The following PDE4D variants were observed in gnomAD, a reference collection of about 807,000 sequenced individuals.
PDE4D encodes the protein 3',5'-cyclic-AMP phosphodiesterase 4D.
A neutral mutation model predicts 87.4 loss-of-function variants in PDE4D; 24 were observed. That is an observed-to-expected ratio of 0.27 (90% confidence interval 0.20 to 0.39). PDE4D has a LOEUF of 0.39. Among genes scored for constraint, PDE4D ranks in the 10% least tolerant of loss-of-function variants. The probability of loss-of-function intolerance (pLI) is 1.00; values close to 1 mark genes in which losing one functional copy is unlikely to be tolerated. For missense variants in PDE4D, 714 were observed against 1,041.0 expected (o/e 0.69, Z 4.32); for synonymous variants, 384 against 383.2 (o/e 1.00, Z -0.02).
rs1561615632 is a variant in PDE4D, at chr5:59,762,349, CATATATGTGTATATGGGTACACATGT to C, written c.455+130793_455+130818del. On this transcript the variant is annotated intron_variant, in intron 1 of 14. Coordinates refer to ENST00000340635, the MANE Select transcript of PDE4D (RefSeq NM_001104631.2). ...ATATGCGTATATGGGTACACATATG[CATATATGTGTATATGGGTACACATGT>C]GTATATGTGTATATGGGTACACATG... Among the ~76,000 whole-genome samples, 171 of 100,200 alleles carry C rather than the reference CATATATGTGTATATGGGTACACATGT, an allele frequency of 1.7e-3. 10 individuals are homozygous for C. The highest frequency in any genetic ancestry group is 3.1e-3 in the African/African-American group (72 of 23,088). 65.7% of individuals were successfully genotyped at this position (100,200 alleles called of 152,430 possible). A position where few individuals can be genotyped will look rare whatever the true frequency, so the allele number is the denominator to read the frequency against.
At chr5:59,009,943 C>A (rs992808272) in intron 6 of PDE4D, among the ~76,000 whole-genome samples, 1 of 152,146 alleles carries the variant, frequency 6.6e-6, no homozygotes, top group Non-Finnish European at 1.5e-5. Context: ...AAGAGCTCCA[C>A]CATTATTTCC....
intron 1 of PDE4D, among the ~76,000 whole-genome samples, chr5:59,771,710 G>C (rs146203916): frequency 6.6e-6 from 1 of 152,284 alleles, no homozygotes; most frequent in East Asian, 1.9e-4. Context: ...AGAATGTTCA[G>C]AGAGTCTGGG....
At chr5:59,433,799 C>G (rs1396549981) in intron 1 of PDE4D, among the ~76,000 whole-genome samples, 1 of 152,036 alleles carries the variant, frequency 6.6e-6, no homozygotes, top group Non-Finnish European at 1.5e-5. Context: ...CACATGAAAG[C>G]ATCTGGAACA....
chr5:59,740,938 T>C (rs1290299373), intron 1 of PDE4D, among the ~76,000 whole-genome samples: 1 of 152,200 alleles, frequency 6.6e-6, no homozygotes, highest in Non-Finnish European at 1.5e-5. Context: ...ATGCACCTAG[T>C]GTAAGTCAAA....
At chr5:59,268,827 A>C (rs1763292081) in intron 1 of PDE4D, among the ~76,000 whole-genome samples, 1 of 151,188 alleles carries the variant, frequency 6.6e-6, no homozygotes, top group Non-Finnish European at 1.5e-5. Context: ...AAGCTTAAAA[A>C]CTCCTTAAAG....
chr5:59,208,863 G>A lies in PDE4D; in HGVS notation c.647+6914C>T, dbSNP rs529203033. ...GTAAAAAGGTATTCTAGTAGCAGAT[G>A]ACCTTAGCATATTTTGCCAATAAAC... On this transcript the variant is annotated intron_variant, in intron 2 of 14. Coordinates refer to ENST00000340635, the MANE Select transcript of PDE4D (RefSeq NM_001104631.2). Among the ~76,000 whole-genome samples the A allele has an allele frequency of 4.6e-5, 7 of 152,248 alleles. No individual in the cohort carries two copies. The East Asian group carries it at 1.4e-3, about 29-fold the overall frequency.
intron 1 of PDE4D, chr5:59,217,362 A>G: frequency 2.3e-6 from 1 of 441,400 alleles, no homozygotes; most frequent in Non-Finnish European, 4.5e-6. Context: ...ATTTTAAAAC[A>G]TTCCTTTATT....
At chr5:60,091,211 G>C (rs1364709484) in intron 2 of PDE4D, among the ~76,000 whole-genome samples, 1 of 152,168 alleles carries the variant, frequency 6.6e-6, no homozygotes, top group Non-Finnish European at 1.5e-5. Flanking sequence ...AGAGTGAAGA[G>C]ACAACCTGTT....
At chr5:60,165,062 C>T (rs547420106) in intron 2 of PDE4D, among the ~76,000 whole-genome samples, 2 of 152,274 alleles carry the variant, frequency 1.3e-5, no homozygotes, top group South Asian at 4.1e-4. Context: ...TGTCTAGCCT[C>T]TCTACCATTT....
At chr5:59,182,565 A>G (rs1281543822) in intron 4 of PDE4D, among the ~76,000 whole-genome samples, 1 of 152,096 alleles carries the variant, frequency 6.6e-6, no homozygotes, top group Non-Finnish European at 1.5e-5. Flanking sequence ...GTGAAAATTT[A>G]GAAACCATTG....
At chr5:59,173,371 C>G (rs1339182769) in intron 5 of PDE4D, among the ~76,000 whole-genome samples, 1 of 152,150 alleles carries the variant, frequency 6.6e-6, no homozygotes, top group Non-Finnish European at 1.5e-5. Flanking sequence ...AAAACAAATT[C>G]ATTTGTAAGA....
At chr5:59,083,386 T>G (rs139649581) in intron 5 of PDE4D, among the ~76,000 whole-genome samples, 7 of 152,244 alleles carry the variant, frequency 4.6e-5, no homozygotes, top group African/African-American at 1.4e-4. Context: ...CTTGAATTAC[T>G]CTTCAGGTCA....
chr5:59,053,857 A>C (rs559430071), intron 5 of PDE4D, among the ~76,000 whole-genome samples: 2 of 151,868 alleles, frequency 1.3e-5, no homozygotes, highest in Non-Finnish European at 2.9e-5. Context: ...CAGAGGTTGC[A>C]GTGAGCTCAG....
chr5:59,574,140 A>ATT (rs1433534172), intron 1 of PDE4D, among the ~76,000 whole-genome samples: 2 of 4,070 alleles, frequency 4.9e-4, no homozygotes, highest in African/African-American at 9.4e-4. Flanking sequence ...ATATATATAT[A>ATT]TATAAATATA....
intron 6 of PDE4D, among the ~76,000 whole-genome samples, chr5:59,029,849 A>G (rs1757004602): frequency 6.6e-6 from 1 of 152,174 alleles, no homozygotes; most frequent in South Asian, 2.1e-4. Flanking sequence ...ACATCAACCA[A>G]TGGAACAGGA....
chr5:60,268,642 T>C (rs1167755783), intron 1 of PDE4D, among the ~76,000 whole-genome samples: 4 of 152,236 alleles, frequency 2.6e-5, no homozygotes, highest in Admixed American at 6.5e-5. Context: ...GCAGATCCTC[T>C]GGGTCCACCA....
intron 3 of PDE4D, among the ~76,000 whole-genome samples, chr5:59,935,657 G>A (rs1756483993): frequency 6.6e-6 from 1 of 152,172 alleles, no homozygotes; most frequent in South Asian, 2.1e-4. Context: ...AAATCTTTAA[G>A]TCACTATTGC....
chr5:59,861,433 G>A (rs1249906450), intron 1 of PDE4D, among the ~76,000 whole-genome samples: 2 of 152,104 alleles, frequency 1.3e-5, no homozygotes, highest in East Asian at 1.9e-4. Flanking sequence ...ATTGACATAG[G>A]TAGACTTCTA....
At chr5:59,322,936 T>C (rs1774978081) in intron 1 of PDE4D, among the ~76,000 whole-genome samples, 1 of 152,136 alleles carries the variant, frequency 6.6e-6, no homozygotes, top group South Asian at 2.1e-4. Context: ...TGGTATTTTG[T>C]AGTTGATTGT....
Sources: allele counts gnomAD v4.1 joint callset (sites outside exome capture counted in the v4.1 genomes callset), GRCh38; gene constraint gnomAD v4.1.1; transcripts MANE v1.5; gene names NCBI Gene and HGNC (gene_info 2026-07-23, HGNC 2026-07-21).